Variants in KHDRBS3 observed in about 807,000 individuals in gnomAD.
KHDRBS3 encodes the protein KH RNA binding domain containing, signal transduction associated 3, also known as KH domain-containing, RNA-binding, signal transduction-associated protein 3.
KHDRBS3 carries 23 observed loss-of-function variants against 45.6 expected under a neutral mutation model. The observed-to-expected ratio is 0.50, with a 90% CI of 0.36 to 0.72. KHDRBS3 has a LOEUF of 0.72. KHDRBS3 is among the 30% of genes least tolerant of loss of function. The pLI is 0.00. For missense variants in KHDRBS3, 352 were observed against 424.8 expected (o/e 0.83, Z 1.51); for synonymous variants, 162 against 156.5 (o/e 1.04, Z -0.26).
At chr8:135,631,238 G>T in intron 7 of KHDRBS3, among the ~76,000 whole-genome samples, 1 of 113,032 alleles carries the variant, frequency 8.8e-6, no homozygotes, top group East Asian at 3.2e-4. Flanking sequence ...GCAACAGAGC[G>T]AGACTCCGTC....
chr8:135,634,032 A>T (rs535128318), intron 7 of KHDRBS3, among the ~76,000 whole-genome samples: 15 of 152,302 alleles, frequency 9.8e-5, no homozygotes, highest in African/African-American at 3.4e-4. Flanking sequence ...CTACCCAGTC[A>T]TTCCTCCCTC....
At chr8:135,459,575 G>A (rs1283646764) in intron 1 of KHDRBS3, among the ~76,000 whole-genome samples, 2 of 152,120 alleles carry the variant, frequency 1.3e-5, no homozygotes, top group African/African-American at 4.8e-5. Flanking sequence ...TTCATACATT[G>A]CATGAGATCC....
downstream of KHDRBS3, among the ~76,000 whole-genome samples, chr8:135,648,313 G>T (rs1831362444): frequency 6.6e-6 from 1 of 152,044 alleles, no homozygotes. Flanking sequence ...TTTAATTGGG[G>T]CCAATTACTC....
Position 135,457,829 on chromosome 8 carries a change from G to C in KHDRBS3, c.-38G>C. 10 of 1,441,430 alleles carry C rather than the reference G, an allele frequency of 6.9e-6. 1 individual carries two copies. Among genetic ancestry groups the C allele is most frequent in the Non-Finnish European group, 9.3e-6 (10 of 1,070,954 alleles). 89.3% of individuals were successfully genotyped at this position (1,441,430 alleles called of 1,614,324 possible). Reference sequence around the variant, plus strand: ...GGTTGCCGGGCGCCGCCCCCCGTGCGCCTGGAGTCCACATCCCGGGCCCGG... The same window carrying C: ...GGTTGCCGGGCGCCGCCCCCCGTGCCCCTGGAGTCCACATCCCGGGCCCGG... On this transcript the variant is annotated 5_prime_UTR_variant, in exon 1 of 9. Coordinates refer to ENST00000355849, the MANE Select transcript of KHDRBS3 (RefSeq NM_006558.3). The surrounding 1 kb of genome is among the most constrained non-coding windows in gnomAD (Gnocchi z 4.4).
Position 135,542,642 on chromosome 8 carries a change from T to C in KHDRBS3, c.208-12T>C. 2 of 1,581,922 alleles carry C rather than the reference T, an allele frequency of 1.3e-6. No homozygotes were observed. The highest frequency in any genetic ancestry group is 1.7e-6 in the Non-Finnish European group (2 of 1,152,312). ...TATAAATGCTACAAATTTGGTTGTT[T>C]ATTTTTCCTAGTTCAACTTTGTGGG... On this transcript the variant is annotated splice_polypyrimidine_tract_variant and intron_variant, in intron 2 of 8. Transcript: ENST00000355849.
At chr8:135,506,377 T>C (rs1043765243) in intron 1 of KHDRBS3, among the ~76,000 whole-genome samples, 8 of 152,002 alleles carry the variant, frequency 5.3e-5, no homozygotes, top group African/African-American at 1.7e-4. Flanking sequence ...CATCAGATGA[T>C]TGGATCCTTC....
At chr8:135,545,385 C>G (rs1294498566) in intron 3 of KHDRBS3, among the ~76,000 whole-genome samples, 1 of 152,146 alleles carries the variant, frequency 6.6e-6, no homozygotes, top group Middle Eastern at 3.2e-3. Flanking sequence ...GTGGAAGGCT[C>G]TGTGGCATTT....
chr8:135,631,029 G>T (rs532091647), intron 7 of KHDRBS3, among the ~76,000 whole-genome samples: 1 of 152,158 alleles, frequency 6.6e-6, no homozygotes, highest in East Asian at 1.9e-4. Flanking sequence ...CAGGTGGATT[G>T]CCTGAGGTCA....
At chr8:135,651,632 T>TA (rs1482292505), downstream of KHDRBS3, among the ~76,000 whole-genome samples, 1 of 152,170 alleles carries the variant, frequency 6.6e-6, no homozygotes, top group African/African-American at 2.4e-5. Context: ...CTTGGGCAGA[T>TA]ATAGTGCCTC....
At chr8:135,542,562 T>G (rs1401727701) in intron 2 of KHDRBS3, 92 bp from the exon 3 acceptor site, 1 of 755,182 alleles carries the variant, frequency 1.3e-6, no homozygotes, top group Non-Finnish European at 2.3e-6. Flanking sequence ...TAATCAATGA[T>G]GTGTAGCACA....
chr8:135,533,968 C>T (rs966534705), intron 2 of KHDRBS3, among the ~76,000 whole-genome samples: 1 of 152,124 alleles, frequency 6.6e-6, no homozygotes, highest in South Asian at 2.1e-4. Context: ...CCAGAATGGT[C>T]GTATGGATAC....
chr8:135,656,028 T>C (rs918064989), intron 4 of KHDRBS3, among the ~76,000 whole-genome samples: 4 of 152,170 alleles, frequency 2.6e-5, no homozygotes, highest in African/African-American at 9.7e-5. Context: ...GTTAATCATT[T>C]GTCTGTCTTT....
intron 4 of KHDRBS3, chr8:135,549,242 T>A (rs1380764167): frequency 6.0e-6 from 1 of 166,130 alleles, no homozygotes; most frequent in Non-Finnish European, 1.3e-5. Context: ...AAACCATTAG[T>A]GCCTCTGTGT....
intron 1 of KHDRBS3, among the ~76,000 whole-genome samples, chr8:135,463,992 C>T (rs898058359): frequency 6.6e-6 from 1 of 152,166 alleles, no homozygotes; most frequent in African/African-American, 2.4e-5. Flanking sequence ...AGGTTTTATT[C>T]CCTGCGTGCC....
chr8:135,547,119 G>A (rs908162545), intron 3 of KHDRBS3, among the ~76,000 whole-genome samples: 5 of 152,204 alleles, frequency 3.3e-5, no homozygotes, highest in Non-Finnish European at 7.4e-5. Context: ...ATTCAGATCA[G>A]ATGGTTGAAA....
chr8:135,647,793 G>T (rs1831352333), downstream of KHDRBS3: 1 of 152,184 alleles, frequency 6.6e-6, no homozygotes, highest in Non-Finnish European at 1.5e-5. Context: ...ACTCACCATA[G>T]ATTTAAATGC....
At chr8:135,523,722 T>C (rs554032801) in intron 2 of KHDRBS3, among the ~76,000 whole-genome samples, 1 of 152,268 alleles carries the variant, frequency 6.6e-6, no homozygotes, top group Admixed American at 6.5e-5. Flanking sequence ...AGAACAATAT[T>C]AGTTACAGGT....
intron 7 of KHDRBS3, among the ~76,000 whole-genome samples, chr8:135,633,464 A>T (rs1830687895): frequency 6.6e-6 from 1 of 152,244 alleles, no homozygotes; most frequent in Admixed American, 6.5e-5. Flanking sequence ...CAATGGCAAG[A>T]CTTAATAAAT....
intron 1 of KHDRBS3, among the ~76,000 whole-genome samples, chr8:135,496,189 C>A (rs200987049): frequency 7.8e-5 from 11 of 140,724 alleles, no homozygotes; most frequent in African/African-American, 1.6e-4. Context: ...AAAGGTCATG[C>A]AAAAAAAAAA....
Sources: allele counts gnomAD v4.1 joint callset (sites outside exome capture counted in the v4.1 genomes callset), GRCh38; gene constraint gnomAD v4.1.1; non-coding constraint Gnocchi (gnomAD v3.1); transcripts MANE v1.5; gene names NCBI Gene and HGNC (gene_info 2026-07-23, HGNC 2026-07-21).